STK32B: variants seen among roughly 807,000 people sequenced by gnomAD.
STK32B encodes serine/threonine-protein kinase 32B.
In STK32B, 43 loss-of-function variants were observed where a neutral mutation model predicts 52.6. The ratio of observed to expected loss-of-function variants is 0.82; its 90% CI spans 0.64 to 1.05. STK32B has a LOEUF of 1.05. STK32B is among the 50% of genes least tolerant of loss of function. The probability of loss-of-function intolerance (pLI) is 0.00; values close to 1 mark genes in which losing one functional copy is unlikely to be tolerated. For missense variants in STK32B, 621 were observed against 534.6 expected (o/e 1.16, Z -1.59); for synonymous variants, 238 against 204.3 (o/e 1.17, Z -1.41).
At chr4:5,194,795 A>G (rs927167764) in intron 3 of STK32B, among the ~76,000 whole-genome samples, 1 of 152,198 alleles carries the variant, frequency 6.6e-6, no homozygotes, top group Non-Finnish European at 1.5e-5. Flanking sequence ...GGTAGAAGGC[A>G]AAGCGTTACC....
intron 1 of STK32B, among the ~76,000 whole-genome samples, chr4:5,069,672 A>T (rs910170340): frequency 1.3e-5 from 2 of 152,168 alleles, no homozygotes; most frequent in Non-Finnish European, 2.9e-5. Flanking sequence ...TCATACATTG[A>T]TGTCAGTACT....
intron 3 of STK32B, among the ~76,000 whole-genome samples, chr4:5,283,669 G>A (rs1415100726): frequency 1.3e-5 from 2 of 152,156 alleles, no homozygotes; most frequent in African/African-American, 2.4e-5. Flanking sequence ...CTGCAGGCCA[G>A]GAGAGAGTGG....
At chr4:5,123,058 G>A (rs941163762) in intron 1 of STK32B, among the ~76,000 whole-genome samples, 2 of 151,994 alleles carry the variant, frequency 1.3e-5, no homozygotes, top group African/African-American at 4.8e-5. Context: ...TATCACCACA[G>A]CTGCCTCAAA....
intron 6 of STK32B, among the ~76,000 whole-genome samples, chr4:5,441,898 A>T (rs530758686): frequency 3.3e-3 from 420 of 126,478 alleles, no homozygotes; most frequent in Non-Finnish European, 5.4e-3. Context: ...TTCAGTTTCC[A>T]TGTAGTTGAG....
chr4:5,126,517 G>A (rs1450707327), intron 1 of STK32B, among the ~76,000 whole-genome samples: 2 of 152,254 alleles, frequency 1.3e-5, no homozygotes, highest in African/African-American at 4.8e-5. Context: ...TCACTGTCTA[G>A]TGCTGCCTGG....
chr4:5,438,206 A>G, intron 6 of STK32B: 1 of 880,540 alleles, frequency 1.1e-6, no homozygotes, highest in Non-Finnish European at 1.4e-6. Flanking sequence ...AGGACTGAGA[A>G]GAGGAACAGG....
chr4:5,372,692 C>T (rs942954057), intron 4 of STK32B, among the ~76,000 whole-genome samples: 3 of 148,096 alleles, frequency 2.0e-5, no homozygotes, highest in African/African-American at 5.1e-5. Flanking sequence ...CTACACACTT[C>T]GAGCTCGTGG....
chr4:5,460,627 G>T lies in STK32B; in HGVS notation c.909+399G>T, dbSNP rs1479718199. 4.6e-5 allele frequency among the ~76,000 whole-genome samples: 7 copies of T among 152,188 alleles called. No individual in the cohort carries two copies. Among genetic ancestry groups the T allele is most frequent in the Non-Finnish European group, 8.8e-5 (6 of 68,030 alleles). ...GCACAAGCTCGGAAGAGGGAGAGGT[G>T]GGATGGGAGGGGCAGAGGCAGGGGC... On this transcript the variant is annotated intron_variant, in intron 9 of 11. Transcript: ENST00000282908. The surrounding 1 kb of genome is among the most constrained non-coding windows in gnomAD (Gnocchi z 4.8).
chr4:5,143,653 G>C (rs1212904092), intron 2 of STK32B, among the ~76,000 whole-genome samples: 1 of 152,122 alleles, frequency 6.6e-6, no homozygotes, highest in Non-Finnish European at 1.5e-5. Flanking sequence ...CGCCTCCACT[G>C]TCTTTCCACA....
intron 4 of STK32B, among the ~76,000 whole-genome samples, chr4:5,351,405 C>G (rs924645310): frequency 3.9e-5 from 6 of 151,988 alleles, no homozygotes; most frequent in African/African-American, 1.4e-4. Context: ...CAAAATACTT[C>G]TTAAAACAAA....
chr4:5,313,945 A>G (rs72616109), intron 3 of STK32B, among the ~76,000 whole-genome samples: 17,737 of 152,170 alleles, frequency 0.12, 2,610 homozygotes, highest in African/African-American at 0.35. Context: ...TAAGACCTAA[A>G]TAAGTGGGGA....
intron 1 of STK32B, among the ~76,000 whole-genome samples, chr4:5,064,454 C>CTTATG (rs1248419785): frequency 4.4e-5 from 4 of 91,626 alleles, no homozygotes; most frequent in African/African-American, 1.5e-4. Flanking sequence ...TAAATATATA[C>CTTATG]TTATATACAT....
In STK32B at chr4:5,157,156, T is replaced by G. The variant is rs181250080; in HGVS notation, c.109-11143T>G. ...GGTTTTCCTTAAAAATGTATTCTTT[T>G]AGAATCTTATTGATCTTTCAAGGTA... is the stretch of plus-strand genomic sequence containing the variant. On this transcript the variant is annotated intron_variant, in intron 2 of 11. Coordinates refer to ENST00000282908, the MANE Select transcript of STK32B (RefSeq NM_018401.3). Among the ~76,000 whole-genome samples the G allele has an allele frequency of 2.0e-5, 3 of 152,304 alleles. No homozygotes were observed. In the East Asian group the frequency reaches 5.8e-4, roughly 29 times the overall value.
intron 11 of STK32B, among the ~76,000 whole-genome samples, chr4:5,484,195 G>A (rs1401996178): frequency 6.6e-6 from 1 of 152,182 alleles, no homozygotes. Flanking sequence ...GGGTGTTAAA[G>A]TCTCCCATTA....
At chr4:5,173,907 T>G (rs1288542569) in intron 3 of STK32B, among the ~76,000 whole-genome samples, 1 of 152,226 alleles carries the variant, frequency 6.6e-6, no homozygotes, top group East Asian at 1.9e-4. Context: ...AGTGGGATGT[T>G]AAAGTCTCCT....
chr4:5,456,997 A>G, intron 8 of STK32B, 74 bp downstream of exon 8: 3 of 1,094,074 alleles, frequency 2.7e-6, no homozygotes, highest in Non-Finnish European at 3.8e-6. Flanking sequence ...CAGCAAACGA[A>G]GGGGTGAGAA....
intron 3 of STK32B, among the ~76,000 whole-genome samples, chr4:5,280,443 C>T (rs950023523): frequency 6.6e-6 from 1 of 152,176 alleles, no homozygotes; most frequent in African/African-American, 2.4e-5. Flanking sequence ...TCCTGACTCT[C>T]CCTCGTCTCC....
chr4:5,170,886 T>G (rs185371974), intron 3 of STK32B, among the ~76,000 whole-genome samples: 1 of 152,084 alleles, frequency 6.6e-6, no homozygotes, highest in African/African-American at 2.4e-5. Flanking sequence ...AATCGCCACA[T>G]TGACCTCCAC....
chr4:5,447,757 G>A (rs1438197431), intron 7 of STK32B, among the ~76,000 whole-genome samples: 1 of 152,210 alleles, frequency 6.6e-6, no homozygotes, highest in African/African-American at 2.4e-5. Flanking sequence ...TGTTATAACG[G>A]GGATAATAAG....
Sources: allele counts gnomAD v4.1 joint callset (sites outside exome capture counted in the v4.1 genomes callset), GRCh38; gene constraint gnomAD v4.1.1; non-coding constraint Gnocchi (gnomAD v3.1); transcripts MANE v1.5; gene names NCBI Gene and HGNC (gene_info 2026-07-23, HGNC 2026-07-21).